The following GXYLT2 variants were observed in gnomAD, a reference collection of about 807,000 sequenced individuals.
The protein encoded by GXYLT2 is glycosyltransferase 8 domain containing 4.
Under a neutral mutation model 45.8 loss-of-function variants are expected in GXYLT2, and 53 were observed. The observed-to-expected ratio is 1.16, with a 90% CI of 0.93 to 1.46. GXYLT2 has a LOEUF of 1.46. Among genes scored for constraint, GXYLT2 ranks in the 40% most tolerant of loss-of-function variants. The pLI, the probability that GXYLT2 is intolerant of heterozygous loss-of-function variation, is 0.00. For synonymous variants in GXYLT2, 219 were observed against 214.2 expected (o/e 1.02, Z -0.19); for missense variants, 551 against 544.4 (o/e 1.01, Z -0.12).
chr3:72,936,992 G>A (rs2107120328), intron 3 of GXYLT2, among the ~76,000 whole-genome samples: 1 of 152,256 alleles, frequency 6.6e-6, no homozygotes, highest in South Asian at 2.1e-4. Flanking sequence ...AATTGGAATT[G>A]GTGGTTTTCT....
At chr3:72,912,355 G>A (rs1260165017) in intron 2 of GXYLT2, among the ~76,000 whole-genome samples, 2 of 151,868 alleles carry the variant, frequency 1.3e-5, no homozygotes, top group East Asian at 3.9e-4. Context: ...TCCCTATGTT[G>A]CCCAGGCTGG....
At chr3:72,903,450 G>A (rs1050515169) in intron 1 of GXYLT2, among the ~76,000 whole-genome samples, 15 of 152,138 alleles carry the variant, frequency 9.9e-5, no homozygotes, top group African/African-American at 3.6e-4. Context: ...AGGAGGAGAG[G>A]TGAGATTTGA....
intron 3 of GXYLT2, among the ~76,000 whole-genome samples, chr3:72,954,522 A>G (rs1299146410): frequency 1.3e-5 from 2 of 150,904 alleles, no homozygotes; most frequent in Non-Finnish European, 3.0e-5. Context: ...GATGGAGAGT[A>G]TTTACCCCCA....
chr3:72,944,002 G>C (rs1219438749), intron 3 of GXYLT2, among the ~76,000 whole-genome samples: 1 of 152,018 alleles, frequency 6.6e-6, no homozygotes, highest in Admixed American at 6.6e-5. Flanking sequence ...CATTTCTTTA[G>C]TTATAATTTG....
rs750866990 is a variant in GXYLT2, at chr3:72,975,103, A to G, written c.1276A>G (p.Lys426Glu). 6 of 1,613,838 alleles carry G rather than the reference A, an allele frequency of 3.7e-6. No homozygotes were observed. The highest frequency in any genetic ancestry group is 3.4e-6 in the Non-Finnish European group (4 of 1,179,782). ...VFLKQIEKTM[K>E]RAYEKHVIIH... The stretch of plus-strand genomic sequence containing the variant: ...TCTGAAGCAAATTGAGAAAACAATG[A>G]AAAGGGCTTATGAGAAACACGTCAT... The change falls in exon 7 of 7, where the codon AAA becomes GAA. Residue 426 changes from lysine (K) to glutamate (E), a missense_variant. Lys to Glu is a moderately conservative substitution (Grantham distance 56). Coordinates refer to ENST00000389617, the MANE Select transcript of GXYLT2 (RefSeq NM_001080393.2).
chr3:72,916,949 A>G (rs1172903001), intron 2 of GXYLT2, among the ~76,000 whole-genome samples: 6 of 152,066 alleles, frequency 3.9e-5, no homozygotes, highest in Admixed American at 3.9e-4. Context: ...TAGATGCTCA[A>G]AAATATTTTT....
intron 5 of GXYLT2, among the ~76,000 whole-genome samples, chr3:72,962,964 AAAC>A (rs1553710942): frequency 1.3e-5 from 2 of 150,274 alleles, no homozygotes; most frequent in Admixed American, 1.3e-4. Flanking sequence ...TAAAAAAAAA[AAAC>A]AAAAAAACTA....
At chr3:72,962,271 T>C (rs1437847891) in intron 5 of GXYLT2, among the ~76,000 whole-genome samples, 1 of 152,194 alleles carries the variant, frequency 6.6e-6, no homozygotes, top group African/African-American at 2.4e-5. Flanking sequence ...GTCTAGGAAG[T>C]TCATGAGCCC....
intron 1 of GXYLT2, among the ~76,000 whole-genome samples, chr3:72,890,578 C>T (rs1472290972): frequency 6.6e-6 from 1 of 152,204 alleles, no homozygotes; most frequent in African/African-American, 2.4e-5. Context: ...GATGTCAGGC[C>T]ATAGACTTGC....
chr3:72,967,015 C>T (rs1186074063), intron 5 of GXYLT2, among the ~76,000 whole-genome samples: 2 of 152,086 alleles, frequency 1.3e-5, no homozygotes, highest in Non-Finnish European at 2.9e-5. Flanking sequence ...GTGATCCTTC[C>T]ACCTTGGCCT....
chr3:72,888,788 C>T (rs1007756897), intron 1 of GXYLT2, among the ~76,000 whole-genome samples: 29 of 152,160 alleles, frequency 1.9e-4, no homozygotes, highest in Non-Finnish European at 1.5e-4. Flanking sequence ...TATTTTTGCA[C>T]TCTTGCAAAC....
At chr3:72,910,235 G>A (rs1709591379) in intron 2 of GXYLT2, among the ~76,000 whole-genome samples, 1 of 152,076 alleles carries the variant, frequency 6.6e-6, no homozygotes, top group East Asian at 1.9e-4. Flanking sequence ...TAATTATTAT[G>A]TCCCAATTTT....
chr3:72,890,838 G>T, intron 1 of GXYLT2, among the ~76,000 whole-genome samples: 1 of 152,198 alleles, frequency 6.6e-6, no homozygotes. Flanking sequence ...TTAGATTATC[G>T]TGGAAATTAT....
chr3:72,918,944 C>A (rs1254277392), intron 2 of GXYLT2, among the ~76,000 whole-genome samples: 1 of 152,184 alleles, frequency 6.6e-6, no homozygotes, highest in South Asian at 2.1e-4. Flanking sequence ...CCACTACACA[C>A]CTATTTGAAT....
intron 4 of GXYLT2, among the ~76,000 whole-genome samples, chr3:72,955,993 G>C (rs757726969): frequency 6.6e-6 from 1 of 152,168 alleles, no homozygotes; most frequent in African/African-American, 2.4e-5. Flanking sequence ...CAGGAGAATC[G>C]TGTGAACCCG....
Position 72,888,378 on chromosome 3 carries a change from C to A in GXYLT2, c.145C>A (p.Pro49Thr), listed in dbSNP as rs1263034397. 5.1e-6 allele frequency: 5 copies of A among 985,866 alleles called. No homozygotes were observed. The African/African-American group carries it at 8.8e-5, about 17-fold the overall frequency. 61.1% of individuals were successfully genotyped at this position (985,866 alleles called of 1,614,324 possible). A position where few individuals can be genotyped will look rare whatever the true frequency, so the allele number is the denominator to read the frequency against. The change falls in exon 1 of 7, where the codon CCT (proline) becomes ACT (threonine). Residue 49 changes from proline (P) to threonine (T), a missense_variant. Pro to Thr is a conservative substitution (Grantham distance 38). Transcript: ENST00000389617. Reference protein sequence around the residue: ...PASAPQRHPAPVPARWPGPGA... With the variant: ...PASAPQRHPATVPARWPGPGA... The stretch of plus-strand genomic sequence containing the variant: ...GTCCGCCCCGCAGCGCCACCCCGCG[C>A]CTGTCCCCGCGCGCTGGCCGGGGCC...
chr3:72,966,577 G>A (rs1710871175), intron 5 of GXYLT2, among the ~76,000 whole-genome samples: 3 of 146,618 alleles, frequency 2.0e-5, no homozygotes, highest in Non-Finnish European at 3.0e-5. Context: ...CTGCCAAGTA[G>A]CTTCAAGTGT....
intron 3 of GXYLT2, among the ~76,000 whole-genome samples, chr3:72,932,548 C>T (rs1710059436): frequency 6.6e-6 from 1 of 152,212 alleles, no homozygotes; most frequent in Non-Finnish European, 1.5e-5. Context: ...ACTTGAATCA[C>T]ATTCTCCTCC....
chr3:72,907,815 G>A lies in GXYLT2; in HGVS notation c.276-552G>A, dbSNP rs142496634. Among the ~76,000 whole-genome samples the A allele has an allele frequency of 3.3e-4, 50 of 152,200 alleles. 1 individual carries two copies. The East Asian group carries it at 8.9e-3, about 27-fold the overall frequency. On this transcript the variant is annotated intron_variant, in intron 1 of 6. Coordinates refer to ENST00000389617, the MANE Select transcript of GXYLT2 (RefSeq NM_001080393.2). The stretch of plus-strand genomic sequence containing the variant: ...TTCTTCAAGACTCTCCTGAGATGTC[G>A]TCAGGGCGCATATGTTGTTTTCTTT...
Sources: allele counts gnomAD v4.1 joint callset (sites outside exome capture counted in the v4.1 genomes callset), GRCh38; gene constraint gnomAD v4.1.1; transcripts MANE v1.5; gene names NCBI Gene and HGNC (gene_info 2026-07-23, HGNC 2026-07-21).